UBE3A: variants seen among roughly 807,000 people sequenced by gnomAD.
UBE3A encodes ubiquitin-protein ligase E3A.
Under a neutral mutation model 83.4 loss-of-function variants are expected in UBE3A, and 6 were observed. The ratio of observed to expected loss-of-function variants is 0.07; its 90% CI spans 0.04 to 0.14. The LOEUF is 0.14. Ranked by LOEUF, UBE3A falls within the 10% of genes least tolerant of loss-of-function variation. The pLI is 1.00. For missense variants in UBE3A, 456 were observed against 1,036.1 expected (o/e 0.44, Z 7.69); for synonymous variants, 337 against 355.4 (o/e 0.95, Z 0.58).
At chr15:25,406,298 C>T (rs1354019932) in intron 3 of UBE3A, among the ~76,000 whole-genome samples, 1 of 152,192 alleles carries the variant, frequency 6.6e-6, no homozygotes, top group Non-Finnish European at 1.5e-5. Context: ...AAAAGTGTAT[C>T]ACCTGAGGTG....
intron 4 of UBE3A, among the ~76,000 whole-genome samples, chr15:25,379,713 A>G (rs1278843877): frequency 6.6e-6 from 1 of 152,192 alleles, no homozygotes; most frequent in Non-Finnish European, 1.5e-5. Context: ...GTTCCTGCGC[A>G]AGGGAAATCC....
chr15:25,390,664 T>C (rs555825885), intron 4 of UBE3A, among the ~76,000 whole-genome samples: 2 of 152,224 alleles, frequency 1.3e-5, no homozygotes, highest in East Asian at 1.9e-4. Flanking sequence ...ACAGAGGATT[T>C]TGGGGCAGTG....
intron 4 of UBE3A, among the ~76,000 whole-genome samples, chr15:25,390,016 T>C (rs1043217387): frequency 4.6e-5 from 7 of 152,036 alleles, no homozygotes; most frequent in Admixed American, 3.9e-4. Flanking sequence ...ACCAAAGATA[T>C]ACAGATGGCA....
intron 4 of UBE3A, among the ~76,000 whole-genome samples, chr15:25,396,629 A>G (rs1352827725): frequency 6.6e-6 from 1 of 152,192 alleles, no homozygotes; most frequent in African/African-American, 2.4e-5. Flanking sequence ...ACAATATCTC[A>G]AACAACAAGC....
At chr15:25,395,415 G>A (rs2085327351) in intron 4 of UBE3A, among the ~76,000 whole-genome samples, 1 of 152,172 alleles carries the variant, frequency 6.6e-6, no homozygotes, top group Non-Finnish European at 1.5e-5. Flanking sequence ...CCTTTAAACA[G>A]AGTAAACAGA....
intron 6 of UBE3A, among the ~76,000 whole-genome samples, chr15:25,368,373 TTC>T (rs1052461498): frequency 2.0e-5 from 3 of 152,182 alleles, no homozygotes; most frequent in East Asian, 1.9e-4. Flanking sequence ...TCTTTTCACA[TTC>T]TGTTATTTTT....
At chr15:25,373,882 A>T (rs1163026540) in intron 5 of UBE3A, 1 of 152,218 alleles carries the variant, frequency 6.6e-6, no homozygotes, top group African/African-American at 2.4e-5. Flanking sequence ...GTTTATTGAT[A>T]CAGGTGTTCT....
intron 1 of UBE3A, among the ~76,000 whole-genome samples, chr15:25,428,529 TAAG>T (rs930939717): frequency 2.6e-5 from 4 of 152,214 alleles, no homozygotes; most frequent in African/African-American, 9.6e-5. Context: ...CACTGTAAAG[TAAG>T]AAGGTTGGAT....
chr15:25,377,318 T>C (rs1437926298), intron 4 of UBE3A, among the ~76,000 whole-genome samples: 5 of 152,162 alleles, frequency 3.3e-5, no homozygotes, highest in Non-Finnish European at 7.3e-5. Flanking sequence ...ATTTTTCAAA[T>C]GTTCCATGCA....
In UBE3A at chr15:25,339,165, G is replaced by A. The variant is rs1418533842; in HGVS notation, c.2591C>T (p.Thr864Met). ...CAGCATGCCAAATCCTTTGGCATAC[G>A]TGATGGCCTTCAACAATCTCTCTTT... is the stretch of plus-strand genomic sequence containing the variant. ...KLKERLLKAI[T>M]YAKGFGML Residue 864 changes from threonine to methionine, a missense_variant, in exon 13 of 13, where the codon ACG becomes ATG. By Grantham distance (81) the Thr-to-Met change is moderately conservative. Coordinates refer to ENST00000648336, the MANE Select transcript of UBE3A (RefSeq NM_130839.5). 4 of 1,606,126 alleles carry A rather than the reference G, an allele frequency of 2.5e-6. No homozygotes were observed. Among genetic ancestry groups the A allele is most frequent in the Non-Finnish European group, 1.7e-6 (2 of 1,177,156 alleles).
intron 11 of UBE3A, 66 bp from the exon 12 acceptor site, chr15:25,340,294 T>C: frequency 6.5e-7 from 1 of 1,534,930 alleles, no homozygotes; most frequent in East Asian, 2.2e-5. Context: ...TAACATAAGC[T>C]TATGATTTGC....
intron 5 of UBE3A, among the ~76,000 whole-genome samples, chr15:25,372,403 A>C (rs1036057244): frequency 3.9e-5 from 6 of 152,224 alleles, no homozygotes; most frequent in African/African-American, 1.2e-4. Context: ...ATCGGCTCTT[A>C]AGTAGAAACT....
intron 6 of UBE3A, among the ~76,000 whole-genome samples, chr15:25,366,954 TA>T (rs1388184589): frequency 2.0e-5 from 3 of 151,874 alleles, no homozygotes; most frequent in Non-Finnish European, 4.4e-5. Flanking sequence ...TTTATTTATT[TA>T]TTTATTTTTT....
chr15:25,357,634 C>T (rs1173177287), intron 7 of UBE3A: 1 of 152,168 alleles, frequency 6.6e-6, no homozygotes, highest in Non-Finnish European at 1.5e-5. Flanking sequence ...GCGTGAGCCA[C>T]CACACCTGGC....
chr15:25,339,524 C>G, intron 12 of UBE3A: 2 of 319,900 alleles, frequency 6.3e-6, no homozygotes, highest in Non-Finnish European at 1.2e-5. Flanking sequence ...TGAATTCTTA[C>G]AGTTCATTTA....
intron 9 of UBE3A, among the ~76,000 whole-genome samples, chr15:25,355,640 A>C (rs1368578069): frequency 1.3e-5 from 2 of 152,164 alleles, no homozygotes; most frequent in Non-Finnish European, 2.9e-5. Context: ...TTTATACTAC[A>C]ACCACACTTA....
chr15:25,398,265 T>C (rs1207760102), intron 4 of UBE3A, among the ~76,000 whole-genome samples: 1 of 151,688 alleles, frequency 6.6e-6, no homozygotes, highest in Non-Finnish European at 1.5e-5. Flanking sequence ...CACTGTGGAA[T>C]GGCTAGATCA....
At chr15:25,351,049 A>G (rs529224457) in intron 11 of UBE3A, among the ~76,000 whole-genome samples, 1 of 152,184 alleles carries the variant, frequency 6.6e-6, no homozygotes, top group African/African-American at 2.4e-5. Flanking sequence ...CTGTATTCAA[A>G]TTTTACCCCA....
rs139121108 is a variant in UBE3A at position 25,393,507 on chromosome 15, T to C, written c.62+11954A>G. Reference sequence around the variant, plus strand: ...TAATCTCTTTTGGGTTTGATCCTCATTTATAGCTGACAAGAAGTTCTATGT... The same window carrying C: ...TAATCTCTTTTGGGTTTGATCCTCACTTATAGCTGACAAGAAGTTCTATGT... On this transcript the variant is annotated intron_variant, in intron 4 of 12. Coordinates refer to ENST00000648336, the MANE Select transcript of UBE3A (RefSeq NM_130839.5). 7.2e-3 allele frequency among the ~76,000 whole-genome samples: 1,096 copies of C among 152,280 alleles called. 13 individuals are homozygous for C. Among genetic ancestry groups the C allele is most frequent in the African/African-American group, 0.025 (1,043 of 41,536 alleles).
Sources: gnomAD v4.1 joint callset for allele counts (sites outside exome capture counted in the v4.1 genomes callset) on GRCh38, gnomAD v4.1.1 for gene constraint, MANE v1.5 for transcripts, NCBI Gene and HGNC (gene_info 2026-07-23, HGNC 2026-07-21) for gene names.